Variants in CALCRL observed in about 807,000 individuals in gnomAD.
The protein encoded by CALCRL is calcitonin gene-related peptide type 1 receptor.
A neutral mutation model predicts 60.4 loss-of-function variants in CALCRL; 27 were observed. The observed-to-expected ratio is 0.45, with a 90% CI of 0.33 to 0.62. The LOEUF is 0.62. Ranked by LOEUF, CALCRL falls within the 20% of genes least tolerant of loss-of-function variation. The probability of loss-of-function intolerance (pLI) is 0.03; values close to 1 mark genes in which losing one functional copy is unlikely to be tolerated. For missense variants in CALCRL, 424 were observed against 540.7 expected, an observed-to-expected ratio of 0.78 and a Z score of 2.14; for synonymous variants, 190 against 182.6, an observed-to-expected ratio of 1.04 and a Z score of -0.33.
chr2:187,434,873 A>G (rs1031969930), intron 1 of CALCRL, among the ~76,000 whole-genome samples: 5 of 152,212 alleles, frequency 3.3e-5, no homozygotes, highest in African/African-American at 4.8e-5. Flanking sequence ...AGATAACTCC[A>G]CTTTCATTAA....
chr2:187,425,150 T>G (rs2105881056), intron 1 of CALCRL, among the ~76,000 whole-genome samples: 1 of 152,014 alleles, frequency 6.6e-6, no homozygotes, highest in African/African-American at 2.4e-5. Context: ...ATACTCTCTA[T>G]TTAACTGATT....
chr2:187,434,106 G>T (rs1447960688), intron 1 of CALCRL, among the ~76,000 whole-genome samples: 1 of 152,000 alleles, frequency 6.6e-6, no homozygotes, highest in African/African-American at 2.4e-5. Context: ...ATTAGATAAA[G>T]TTTTTGAATA....
rs1320181384 is a variant in CALCRL at position 187,342,268 on chromosome 2, C to T, written c.*3916G>A. Among the ~76,000 whole-genome samples, 1 of 151,576 alleles carries T rather than the reference C, an allele frequency of 6.6e-6. No individual in the cohort carries two copies. The highest frequency in any genetic ancestry group is 1.5e-5 in the Non-Finnish European group (1 of 67,670). Reference sequence around the variant, plus strand: ...AGATAGAGGGATAGAGAAGTGATGGCTAAAGGATACACTGTTTCTTCTCAA... The same window carrying T: ...AGATAGAGGGATAGAGAAGTGATGGTTAAAGGATACACTGTTTCTTCTCAA... On this transcript the variant is annotated 3_prime_UTR_variant, in exon 15 of 15. Transcript: ENST00000392370.
At chr2:187,383,056 C>A in intron 5 of CALCRL, 117 bp downstream of exon 5, 1 of 998,268 alleles carries the variant, frequency 1.0e-6, no homozygotes, top group Non-Finnish European at 1.5e-6. Flanking sequence ...TGCACATATA[C>A]AAAAAGGTAG....
At chr2:187,436,278 C>G (rs974944619) in intron 1 of CALCRL, among the ~76,000 whole-genome samples, 1 of 152,114 alleles carries the variant, frequency 6.6e-6, no homozygotes, top group Admixed American at 6.6e-5. Flanking sequence ...TAAGCATCAT[C>G]TCCATCTGTC....
intron 8 of CALCRL, among the ~76,000 whole-genome samples, chr2:187,368,637 G>A (rs1687395385): frequency 6.6e-6 from 1 of 152,018 alleles, no homozygotes. Context: ...TTTGACATGA[G>A]CTAAAAACTT....
At chr2:187,403,173 G>C (rs768785467) in intron 1 of CALCRL, among the ~76,000 whole-genome samples, 5 of 151,852 alleles carry the variant, frequency 3.3e-5, no homozygotes, top group Non-Finnish European at 5.9e-5. Flanking sequence ...AAACTGGTAT[G>C]ATGCAGAAAA....
intron 4 of CALCRL, among the ~76,000 whole-genome samples, chr2:187,384,838 C>A (rs1448975022): frequency 6.6e-6 from 1 of 152,084 alleles, no homozygotes; most frequent in Non-Finnish European, 1.5e-5. Context: ...GAGATAAGAG[C>A]ACAGTCACTG....
At chr2:187,411,713 G>A (rs966548159) in intron 1 of CALCRL, among the ~76,000 whole-genome samples, 2 of 151,898 alleles carry the variant, frequency 1.3e-5, no homozygotes, top group African/African-American at 2.4e-5. Context: ...AGTAGGGGGT[G>A]TAGTAAAAAG....
intron 1 of CALCRL, among the ~76,000 whole-genome samples, chr2:187,394,074 G>A (rs114536182): frequency 6.6e-6 from 1 of 152,016 alleles, no homozygotes; most frequent in Non-Finnish European, 1.5e-5. Flanking sequence ...CTTAAAAGAA[G>A]AAAAGAAAGG....
chr2:187,377,211 A>G (rs1687793915), intron 8 of CALCRL, among the ~76,000 whole-genome samples: 1 of 152,124 alleles, frequency 6.6e-6, no homozygotes, highest in Admixed American at 6.5e-5. Flanking sequence ...TGAAACTACT[A>G]TTCTGGCTGC....
At chr2:187,415,261 T>TTATA in intron 1 of CALCRL, among the ~76,000 whole-genome samples, 1 of 152,232 alleles carries the variant, frequency 6.6e-6, no homozygotes, top group Admixed American at 6.5e-5. Flanking sequence ...AAAGCTGTGC[T>TTATA]TATATGCCTG....
chr2:187,421,484 C>G (rs1689869869), intron 1 of CALCRL, among the ~76,000 whole-genome samples: 2 of 152,162 alleles, frequency 1.3e-5, no homozygotes, highest in Admixed American at 6.5e-5. Flanking sequence ...GCCATTCTTT[C>G]TCTAACAGTC....
chr2:187,405,709 G>A (rs1001043678), intron 1 of CALCRL, among the ~76,000 whole-genome samples: 2 of 152,008 alleles, frequency 1.3e-5, no homozygotes, highest in African/African-American at 2.4e-5. Flanking sequence ...ATTAGCACTC[G>A]GTTATTAGTT....
At chr2:187,380,406 G>A in intron 7 of CALCRL, 61 bp downstream of exon 7, 2 of 915,996 alleles carry the variant, frequency 2.2e-6, no homozygotes, top group Non-Finnish European at 3.6e-6. Context: ...TACAGTATTG[G>A]ACAAAGGAGC....
intron 1 of CALCRL, among the ~76,000 whole-genome samples, chr2:187,397,446 T>G (rs953120210): frequency 1.3e-5 from 2 of 151,688 alleles, no homozygotes; most frequent in African/African-American, 4.8e-5. Flanking sequence ...GCAAATTTTT[T>G]ATAACATTGT....
intron 1 of CALCRL, among the ~76,000 whole-genome samples, chr2:187,395,856 G>C (rs1688628346): frequency 1.3e-5 from 2 of 151,830 alleles, no homozygotes; most frequent in Non-Finnish European, 2.9e-5. Flanking sequence ...GCCTTCCCAG[G>C]TGTTTCCTAC....
chr2:187,441,198 A>C (rs1246715622), intron 1 of CALCRL, among the ~76,000 whole-genome samples: 1 of 152,030 alleles, frequency 6.6e-6, no homozygotes, highest in East Asian at 1.9e-4. Flanking sequence ...GAACACAGTG[A>C]ATCTGGTTGT....
intron 1 of CALCRL, among the ~76,000 whole-genome samples, chr2:187,445,990 C>T (rs943292271): frequency 5.3e-5 from 8 of 151,350 alleles, no homozygotes; most frequent in Non-Finnish European, 1.5e-5. Flanking sequence ...CATATTTTAA[C>T]TTTTAGTATA....
Sources: gnomAD v4.1 joint callset for allele counts (sites outside exome capture counted in the v4.1 genomes callset) on GRCh38, gnomAD v4.1.1 for gene constraint, MANE v1.5 for transcripts, NCBI Gene and HGNC (gene_info 2026-07-23, HGNC 2026-07-21) for gene names.